Variants in WDR27 observed in about 807,000 individuals in gnomAD.
The protein encoded by WDR27 is WD repeat-containing protein 27.
WDR27 carries 100 observed loss-of-function variants against 114.4 expected under a neutral mutation model. That is an observed-to-expected ratio of 0.87 (90% confidence interval 0.74 to 1.03). WDR27 has a LOEUF of 1.03. Among genes scored for constraint, WDR27 ranks in the 50% least tolerant of loss-of-function variants. The pLI, the probability that WDR27 is intolerant of heterozygous loss-of-function variation, is 0.00. For missense variants in WDR27, 1,129 were observed against 1,092.9 expected (o/e 1.03, Z -0.47); for synonymous variants, 449 against 423.1 (o/e 1.06, Z -0.75).
chr6:169,612,039 G>C (rs978729671), intron 22 of WDR27, among the ~76,000 whole-genome samples: 1 of 152,016 alleles, frequency 6.6e-6, no homozygotes, highest in African/African-American at 2.4e-5. Context: ...AGGAGGCTGA[G>C]GCAGGAGAAT....
rs75895937 is a variant in WDR27 at position 169,561,870 on chromosome 6, A to G, written c.2645+10549T>C. Among the ~76,000 whole-genome samples, 27 of 152,362 alleles carry G rather than the reference A, an allele frequency of 1.8e-4. No individual in the cohort carries two copies. In the East Asian group the frequency reaches 5.2e-3, roughly 29 times the overall value. On this transcript the variant is annotated intron_variant, in intron 25 of 25. Transcript: ENST00000448612. ...AATAGGTTTAAACAAATAATTTTAA[A>G]AGATATACCATCCTAACACTAACAA...
chr6:169,471,110 A>G (rs1190556287), intron 25 of WDR27, among the ~76,000 whole-genome samples: 1 of 150,466 alleles, frequency 6.6e-6, no homozygotes, highest in African/African-American at 2.4e-5. Context: ...CTGACTACAG[A>G]GTCTTGGTGC....
intron 21 of WDR27, among the ~76,000 whole-genome samples, chr6:169,621,732 A>G (rs1227089963): frequency 1.3e-5 from 2 of 151,620 alleles, no homozygotes; most frequent in African/African-American, 4.8e-5. Flanking sequence ...ACATTCACAC[A>G]TATACATACA....
At chr6:169,481,192 G>A (rs1787999554) in intron 25 of WDR27, among the ~76,000 whole-genome samples, 1 of 151,718 alleles carries the variant, frequency 6.6e-6, no homozygotes, top group Non-Finnish European at 1.5e-5. Flanking sequence ...ATCTAGTGGG[G>A]ACTTGGAAAA....
Position 169,644,728 on chromosome 6 carries a change from G to GTTCACACGAGTCACGCTGTAGAAAA in WDR27, c.1658-943_1658-942insTTTTCTACAGCGTGACTCGTGTGAA, listed in dbSNP as rs1156306667. Among the ~76,000 whole-genome samples, 879 of 120,220 alleles carry GTTCACACGAGTCACGCTGTAGAAAA rather than the reference G, an allele frequency of 7.3e-3. 29 individuals are homozygous for GTTCACACGAGTCACGCTGTAGAAAA. The highest frequency in any genetic ancestry group is 0.016 in the East Asian group (34 of 2,158). 78.9% of individuals were successfully genotyped at this position (120,220 alleles called of 152,430 possible). ...ACGAGTCACACTGTAGAAAATCCTA[G>GTTCACACGAGTCACGCTGTAGAAAA]GCCGGGCGCGGTGGCTCACGCCTGT... On this transcript the variant is annotated intron_variant, in intron 16 of 25. Transcript: ENST00000448612.
chr6:169,612,301 C>T (rs1057125059), intron 22 of WDR27, among the ~76,000 whole-genome samples: 5 of 151,942 alleles, frequency 3.3e-5, no homozygotes, highest in African/African-American at 1.2e-4. Context: ...CACCTGTAAT[C>T]CCAGCTACTC....
intron 25 of WDR27, among the ~76,000 whole-genome samples, chr6:169,550,964 C>T (rs938491880): frequency 6.6e-6 from 1 of 152,162 alleles, no homozygotes; most frequent in Admixed American, 6.5e-5. Flanking sequence ...AATCTGCCTA[C>T]CTCGGCCTCT....
intron 1 of WDR27, among the ~76,000 whole-genome samples, chr6:169,694,919 G>A (rs1785459884): frequency 6.6e-6 from 1 of 152,204 alleles, no homozygotes; most frequent in African/African-American, 2.4e-5. Flanking sequence ...TTCCATGTTT[G>A]AATTAATCAC....
the WDR27 span, among the ~76,000 whole-genome samples, chr6:169,429,554 C>T: frequency 6.6e-6 from 1 of 151,966 alleles, no homozygotes; most frequent in African/African-American, 2.4e-5. Flanking sequence ...CAAGACCTCA[C>T]ATTACTGGAC....
chr6:169,649,755 T>TCCTCCATCC (rs368259201), intron 14 of WDR27, among the ~76,000 whole-genome samples: 9 of 148,580 alleles, frequency 6.1e-5, no homozygotes, highest in African/African-American at 2.2e-4. Flanking sequence ...CTCCCTCCAT[T>TCCTCCATCC]CCTCCATCCC....
At chr6:169,616,597 A>C (rs1811879296) in intron 21 of WDR27, among the ~76,000 whole-genome samples, 1 of 152,250 alleles carries the variant, frequency 6.6e-6, no homozygotes, top group Non-Finnish European at 1.5e-5. Flanking sequence ...GAAATTAGGA[A>C]GACCTGAACA....
chr6:169,597,879 C>CACAA (rs1807140357), intron 23 of WDR27, among the ~76,000 whole-genome samples: 1 of 16,900 alleles, frequency 5.9e-5, no homozygotes. Flanking sequence ...ACCATTCATA[C>CACAA]ACACACACAC....
intron 1 of WDR27, among the ~76,000 whole-genome samples, chr6:169,691,025 C>A (rs1784369111): frequency 6.6e-6 from 1 of 152,142 alleles, no homozygotes; most frequent in Non-Finnish European, 1.5e-5. Context: ...ACCATCCTGG[C>A]TAACACGGTG....
chr6:169,679,469 G>A (rs1585116063), intron 2 of WDR27, among the ~76,000 whole-genome samples: 1 of 152,344 alleles, frequency 6.6e-6, no homozygotes, highest in East Asian at 1.9e-4. Context: ...CTCATGTGGA[G>A]ATGTAATCCC....
At chr6:169,530,542 T>A (rs1795462627) in intron 25 of WDR27, among the ~76,000 whole-genome samples, 1 of 152,198 alleles carries the variant, frequency 6.6e-6, no homozygotes, top group South Asian at 2.1e-4. Flanking sequence ...GGAGGGGATG[T>A]AAATGGCCTC....
chr6:169,541,050 C>A (rs1418589284), intron 25 of WDR27, among the ~76,000 whole-genome samples: 5 of 151,452 alleles, frequency 3.3e-5, no homozygotes, highest in Admixed American at 3.3e-4. Flanking sequence ...AAGCCTCCCT[C>A]GGAATTTACA....
At chr6:169,499,109 G>C (rs540512829) in intron 25 of WDR27, among the ~76,000 whole-genome samples, 1 of 152,206 alleles carries the variant, frequency 6.6e-6, no homozygotes, top group Non-Finnish European at 1.5e-5. Flanking sequence ...GTTGCTAAGC[G>C]GAAACAGACG....
At chr6:169,563,724 G>A (rs1800010347) in intron 25 of WDR27, among the ~76,000 whole-genome samples, 1 of 152,300 alleles carries the variant, frequency 6.6e-6, no homozygotes, top group South Asian at 2.1e-4. Flanking sequence ...TCTAACCCAT[G>A]AGGATAAGAA....
chr6:169,698,607 C>A (rs1562963314), intron 1 of WDR27, among the ~76,000 whole-genome samples: 1 of 152,204 alleles, frequency 6.6e-6, no homozygotes, highest in Non-Finnish European at 1.5e-5. Flanking sequence ...GCTCTTTCTG[C>A]TTCTTCCCTG....
Sources: gnomAD v4.1 joint callset for allele counts (sites outside exome capture counted in the v4.1 genomes callset) on GRCh38, gnomAD v4.1.1 for gene constraint, MANE v1.5 for transcripts, NCBI Gene and HGNC (gene_info 2026-07-23, HGNC 2026-07-21) for gene names.